HESX1: variants seen among roughly 807,000 people sequenced by gnomAD.
HESX1 encodes HESX homeobox 1, also known as homeobox expressed in ES cells 1.
In HESX1, 11 loss-of-function variants were observed where a neutral mutation model predicts 22.5. That is an observed-to-expected ratio of 0.49 (90% CI 0.31 to 0.81). The LOEUF is 0.81. Ranked by LOEUF, HESX1 falls within the 30% of genes least tolerant of loss-of-function variation. HESX1 has a pLI of 0.05. For missense variants in HESX1, 201 were observed against 212.6 expected (o/e 0.95, Z 0.34); for synonymous variants, 74 against 76.5 (o/e 0.97, Z 0.17).
At chr3:57,224,583 C>A (rs2060632555) in intron 1 of HESX1, among the ~76,000 whole-genome samples, 1 of 152,178 alleles carries the variant, frequency 6.6e-6, no homozygotes, top group South Asian at 2.1e-4. Context: ...TGACTCTGAC[C>A]TACTACACCA....
At chr3:57,204,654 C>T (rs2060509703), upstream of HESX1, among the ~76,000 whole-genome samples, 1 of 152,162 alleles carries the variant, frequency 6.6e-6, no homozygotes, top group Non-Finnish European at 1.5e-5. Flanking sequence ...CATCCAGTGG[C>T]TGGGCACAGT....
intron 1 of HESX1, among the ~76,000 whole-genome samples, chr3:57,225,298 C>T (rs1328457740): frequency 6.6e-6 from 1 of 152,128 alleles, no homozygotes; most frequent in African/African-American, 2.4e-5. Flanking sequence ...CTAAACCTAC[C>T]TCTCCATCCA....
At chr3:57,200,939 T>C (rs914785323), upstream of HESX1, among the ~76,000 whole-genome samples, 2 of 152,204 alleles carry the variant, frequency 1.3e-5, no homozygotes, top group African/African-American at 4.8e-5. Flanking sequence ...AAAATTAAAG[T>C]ATAACTGCTG....
chr3:57,215,707 C>T (rs2060579304), intron 1 of HESX1, among the ~76,000 whole-genome samples: 1 of 152,118 alleles, frequency 6.6e-6, no homozygotes, highest in Non-Finnish European at 1.5e-5. Flanking sequence ...GCAGAGGTTG[C>T]AGTGAGCCAA....
chr3:57,211,527 CAAAA>C (rs61137408), intron 1 of HESX1, among the ~76,000 whole-genome samples: 21 of 31,982 alleles, frequency 6.6e-4, no homozygotes, highest in South Asian at 4.9e-3. Context: ...GAGACCTTGT[CAAAA>C]AAAAAAAAAA....
At chr3:57,222,231 A>T (rs2060619660) in intron 1 of HESX1, among the ~76,000 whole-genome samples, 1 of 152,166 alleles carries the variant, frequency 6.6e-6, no homozygotes, top group Non-Finnish European at 1.5e-5. Flanking sequence ...AATGTTTTCA[A>T]TGATTAAACA....
chr3:57,207,953 C>G (rs2060529093), intron 1 of HESX1, among the ~76,000 whole-genome samples: 1 of 152,194 alleles, frequency 6.6e-6, no homozygotes, highest in Non-Finnish European at 1.5e-5. Context: ...ATCTGTTTCA[C>G]ATTTCTTCAA....
upstream of HESX1, among the ~76,000 whole-genome samples, chr3:57,204,890 G>A (rs1045480962): frequency 1.3e-5 from 2 of 151,946 alleles, no homozygotes; most frequent in African/African-American, 2.4e-5. Flanking sequence ...TTGGAGATAG[G>A]GACAGAAGTG....
chr3:57,206,225 A>G (rs948121177), intron 1 of HESX1, among the ~76,000 whole-genome samples: 1 of 152,124 alleles, frequency 6.6e-6, no homozygotes, highest in Admixed American at 6.5e-5. Context: ...AAAACAAAAC[A>G]GTGCTTAGCT....
rs763034702 is a variant in HESX1 at position 57,198,938 on chromosome 3, A to G, written c.172T>C (p.Leu58=). 10 of 1,614,004 alleles carry G rather than the reference A, an allele frequency of 6.2e-6. No homozygotes were observed. The highest frequency in any genetic ancestry group is 1.7e-6 in the Non-Finnish European group (2 of 1,179,994). The part of the protein sequence containing the change: ...TCSSSGKDGN[L]CLHVPNPPSG... ...GGAGGATTTGGGACATGTAGACATA[A>G]GTTACCATCTTTCCCTAAAAACAAA... The change falls in exon 2 of 4, where the codon TTA becomes CTA. Residue 58 remains leucine, a synonymous_variant. Coordinates refer to ENST00000295934, the MANE Select transcript of HESX1 (RefSeq NM_003865.3).
upstream of HESX1, among the ~76,000 whole-genome samples, chr3:57,200,568 G>GTAAT (rs2060479936): frequency 1.3e-5 from 2 of 152,198 alleles, no homozygotes; most frequent in South Asian, 4.1e-4. Context: ...AACATGGAGT[G>GTAAT]TAATTGTCTT....
chr3:57,221,363 C>T (rs547536094), intron 1 of HESX1, among the ~76,000 whole-genome samples: 2 of 151,934 alleles, frequency 1.3e-5, no homozygotes, highest in Non-Finnish European at 2.9e-5. Flanking sequence ...TGTCATGTTG[C>T]TCAGGCTGGT....
At chr3:57,201,884 T>TATCTATCA (rs1386018606), upstream of HESX1, among the ~76,000 whole-genome samples, 5 of 128,742 alleles carry the variant, frequency 3.9e-5, no homozygotes, top group African/African-American at 1.7e-4. Context: ...TATATCTATC[T>TATCTATCA]ATCTATCTAT....
upstream of HESX1, among the ~76,000 whole-genome samples, chr3:57,201,875 A>ATATCTATC (rs759735344): frequency 0.024 from 3,135 of 131,882 alleles, 45 homozygotes; most frequent in African/African-American, 0.03. Context: ...CTATCTATCT[A>ATATCTATC]TATCTATCTA....
chr3:57,215,175 C>T (rs1250887327), intron 1 of HESX1, among the ~76,000 whole-genome samples: 2 of 151,984 alleles, frequency 1.3e-5, no homozygotes, highest in Non-Finnish European at 2.9e-5. Context: ...TACTAGAAGA[C>T]TGCAAATAAC....
At chr3:57,199,621 G>GA (rs113245988) in intron 1 of HESX1, 141 bp downstream of exon 1, 9,703 of 363,056 alleles carry the variant, frequency 0.027, no homozygotes, top group Middle Eastern at 0.045. Context: ...CTCTGTCTCA[G>GA]AAAAAAAAAA....
At chr3:57,211,550 A>AAAAAAAAAAAC (rs1559500552) in intron 1 of HESX1, among the ~76,000 whole-genome samples, 1 of 147,366 alleles carries the variant, frequency 6.8e-6, no homozygotes, top group African/African-American at 2.5e-5. Flanking sequence ...AAAAAAAAAA[A>AAAAAAAAAAAC]AGCCAGGCAT....
At chr3:57,226,789 T>G (rs1324977173), upstream of HESX1, among the ~76,000 whole-genome samples, 3 of 152,182 alleles carry the variant, frequency 2.0e-5, no homozygotes, top group Admixed American at 2.0e-4. Flanking sequence ...GGCTAGATGT[T>G]TAGAAGACAC....
In HESX1 at chr3:57,205,968, G is replaced by A. The variant is rs181395692; in HGVS notation, c.-110-5940C>T. ...CACTTTGGGAGGCCGAGGTGGGCGG[G>A]TCACTTGAGGTCAGGAGTTTGAGAC... On this transcript the variant is annotated intron_variant, in intron 1 of 2. Transcript: ENST00000495160. 4.5e-3 allele frequency among the ~76,000 whole-genome samples: 692 copies of A among 152,150 alleles called. 3 individuals carry two copies. Among genetic ancestry groups the A allele is most frequent in the African/African-American group, 0.016 (667 of 41,514 alleles).
Sources: gnomAD v4.1 joint callset for allele counts (sites outside exome capture counted in the v4.1 genomes callset) on GRCh38, gnomAD v4.1.1 for gene constraint, MANE v1.5 for transcripts, NCBI Gene and HGNC (gene_info 2026-07-23, HGNC 2026-07-21) for gene names.